The following THSD7B variants were observed in gnomAD, a reference collection of about 807,000 sequenced individuals.
The protein encoded by THSD7B is thrombospondin type-1 domain-containing protein 7B.
THSD7B carries 138 observed loss-of-function variants against 213.6 expected under a neutral mutation model. The ratio of observed to expected loss-of-function variants is 0.65; its 90% CI spans 0.56 to 0.74. The LOEUF is 0.74. Among genes scored for constraint, THSD7B ranks in the 30% least tolerant of loss-of-function variants. The pLI, the probability that THSD7B is intolerant of heterozygous loss-of-function variation, is 0.00. For missense variants in THSD7B, 1,931 were observed against 1,991.5 expected (o/e 0.97, Z 0.58); for synonymous variants, 742 against 687.0 (o/e 1.08, Z -1.25).
chr2:137,676,554 T>G lies in THSD7B; in HGVS notation c.4770T>G (p.Pro1590=). The stretch of plus-strand genomic sequence containing the variant: ...AGCCAAAACCACATCAAAGCACACC[T>G]CCCCAACAGAAGCCTCTGACCTTAG... ...CKKPKPHQST[P]PQQKPLTLAY... The change falls in exon 28 of 28, where the codon CCT becomes CCG. Residue 1590 remains proline (P), a synonymous_variant. Coordinates refer to ENST00000409968, the MANE Select transcript of THSD7B (RefSeq NM_001316349.2). The G allele has an allele frequency of 6.3e-7, 1 of 1,598,106 alleles. No homozygotes were observed. Among genetic ancestry groups the G allele is most frequent in the Non-Finnish European group, 8.5e-7 (1 of 1,172,916 alleles).
intron 12 of THSD7B, among the ~76,000 whole-genome samples, chr2:137,317,551 C>T (rs1558755915): frequency 6.6e-6 from 1 of 152,198 alleles, no homozygotes; most frequent in Non-Finnish European, 1.5e-5. Flanking sequence ...AAAAATTTCT[C>T]AGATAGTTTC....
At chr2:137,674,386 T>A (rs1455946717) in intron 27 of THSD7B, among the ~76,000 whole-genome samples, 3 of 152,184 alleles carry the variant, frequency 2.0e-5, no homozygotes, top group Non-Finnish European at 4.4e-5. Context: ...GTACTCTTTT[T>A]TGCCATTAAG....
chr2:137,467,772 C>A (rs1688021830), intron 15 of THSD7B, among the ~76,000 whole-genome samples: 1 of 152,136 alleles, frequency 6.6e-6, no homozygotes, highest in Non-Finnish European at 1.5e-5. Flanking sequence ...TTGACCAGGG[C>A]TCTTCCTTGA....
intron 2 of THSD7B, among the ~76,000 whole-genome samples, chr2:136,997,804 T>C (rs1053603043): frequency 1.1e-4 from 16 of 152,240 alleles, no homozygotes; most frequent in African/African-American, 3.6e-4. Context: ...GGTCATCTTA[T>C]GACCTTCTGG....
chr2:137,146,650 C>A (rs915187406), intron 5 of THSD7B, among the ~76,000 whole-genome samples: 4 of 151,740 alleles, frequency 2.6e-5, no homozygotes, highest in African/African-American at 7.3e-5. Flanking sequence ...TCCAAGGGGA[C>A]AAAAATTAGT....
At position 137,023,337 on chromosome 2, in the gene THSD7B, G is replaced by A. The variant is rs553866273; in HGVS notation, c.140-33083G>A. Among the ~76,000 whole-genome samples the A allele has an allele frequency of 9.9e-5, 15 of 152,200 alleles. No homozygotes were observed. In the South Asian group the frequency reaches 3.1e-3, roughly 32 times the overall value. ...TGGCTGTCCAGTGGCACCAGACACC[G>A]GGGGAGGTGTCTGGTAGCTTCCAGG... On this transcript the variant is annotated intron_variant, in intron 2 of 27. Transcript: ENST00000409968.
At chr2:136,901,099 A>G (rs1269923106) in intron 2 of THSD7B, among the ~76,000 whole-genome samples, 4 of 152,026 alleles carry the variant, frequency 2.6e-5, no homozygotes. Flanking sequence ...TATTGTTTTA[A>G]TAGAAAAACA....
At chr2:137,192,440 TCTC>T (rs930188627) in intron 7 of THSD7B, among the ~76,000 whole-genome samples, 8 of 152,108 alleles carry the variant, frequency 5.3e-5, no homozygotes, top group South Asian at 2.1e-4. Flanking sequence ...CTGGGGGAAT[TCTC>T]CTGATAAGGT....
chr2:137,323,307 G>A (rs962377102), intron 12 of THSD7B, among the ~76,000 whole-genome samples: 4 of 152,182 alleles, frequency 2.6e-5, no homozygotes, highest in African/African-American at 7.2e-5. Flanking sequence ...CCATGAGCAA[G>A]GAGACTGGTA....
chr2:137,530,810 A>G (rs1408427476), intron 15 of THSD7B, among the ~76,000 whole-genome samples: 1 of 152,046 alleles, frequency 6.6e-6, no homozygotes, highest in Non-Finnish European at 1.5e-5. Flanking sequence ...ACCTCTTACT[A>G]GAATTGTGAT....
At position 137,385,237 on chromosome 2, in the gene THSD7B, A is replaced by G. The variant is rs116004262; in HGVS notation, c.2501-20376A>G. The stretch of plus-strand genomic sequence containing the variant: ...AAATGGCCAGAACTGAGCTAGTGTT[A>G]ATTGGCATTTTTACCTTTCATGATT... On this transcript the variant is annotated intron_variant, in intron 12 of 27. Transcript: ENST00000409968. Among the ~76,000 whole-genome samples the G allele has an allele frequency of 2.4e-3, 360 of 152,304 alleles. 1 individual carries two copies. The highest frequency in any genetic ancestry group is 8.4e-3 in the African/African-American group (351 of 41,570).
intron 15 of THSD7B, among the ~76,000 whole-genome samples, chr2:137,473,879 A>G (rs938592538): frequency 2.0e-5 from 3 of 152,202 alleles, no homozygotes; most frequent in African/African-American, 7.2e-5. Flanking sequence ...TTTGAAAACC[A>G]CTTTCTTAAA....
chr2:137,281,758 A>G (rs1683022219), intron 12 of THSD7B, among the ~76,000 whole-genome samples: 1 of 152,096 alleles, frequency 6.6e-6, no homozygotes, highest in South Asian at 2.1e-4. Flanking sequence ...GCTGCATAGT[A>G]TTCCATGGTG....
rs79460957 is a variant in THSD7B at position 137,348,141 on chromosome 2, A to T, written c.2501-57472A>T. Among the ~76,000 whole-genome samples, 318 of 151,844 alleles carry T rather than the reference A, an allele frequency of 2.1e-3. 1 individual carries two copies. Among genetic ancestry groups the T allele is most frequent in the African/African-American group, 7.0e-3 (291 of 41,494 alleles). On this transcript the variant is annotated intron_variant, in intron 12 of 27. Coordinates refer to ENST00000409968, the MANE Select transcript of THSD7B (RefSeq NM_001316349.2). ...AGGCTCTAATGTGAAGAAAGATATT[A>T]TGAAAGAACCAAATGCAAAATTTTA...
At chr2:137,673,010 TC>T (rs1683611622) in intron 27 of THSD7B, among the ~76,000 whole-genome samples, 2 of 152,326 alleles carry the variant, frequency 1.3e-5, no homozygotes, top group Admixed American at 1.3e-4. Context: ...CCAGCACAGT[TC>T]TGTAATGCAT....
intron 17 of THSD7B, among the ~76,000 whole-genome samples, chr2:137,606,584 G>A (rs1048710767): frequency 4.6e-5 from 7 of 152,090 alleles, no homozygotes; most frequent in Admixed American, 1.3e-4. Context: ...CTTTTCTGGG[G>A]TCTAGAGAAA....
intron 5 of THSD7B, among the ~76,000 whole-genome samples, chr2:137,116,683 C>T (rs1172230204): frequency 6.6e-6 from 1 of 152,126 alleles, no homozygotes; most frequent in East Asian, 1.9e-4. Flanking sequence ...AAAGTTTCTT[C>T]AGGCTTAGTC....
intron 16 of THSD7B, among the ~76,000 whole-genome samples, chr2:137,571,533 C>T (rs1681355060): frequency 1.3e-5 from 2 of 152,140 alleles, no homozygotes; most frequent in African/African-American, 4.8e-5. Flanking sequence ...AGATTATGCT[C>T]CCACCAGCAG....
chr2:137,057,263 C>A, intron 3 of THSD7B, 33 bp downstream of exon 3: 1 of 1,514,998 alleles, frequency 6.6e-7, no homozygotes, highest in South Asian at 1.3e-5. Flanking sequence ...ATTTGATTCA[C>A]CTAAAATATT....
Sources: allele counts gnomAD v4.1 joint callset (sites outside exome capture counted in the v4.1 genomes callset), GRCh38; gene constraint gnomAD v4.1.1; transcripts MANE v1.5; gene names NCBI Gene and HGNC (gene_info 2026-07-23, HGNC 2026-07-21).